Variants in BICRA observed in about 807,000 individuals in gnomAD.
BICRA encodes BRD4 interacting chromatin remodeling complex associated protein.
Under a neutral mutation model 96.9 loss-of-function variants are expected in BICRA, and 31 were observed. The observed-to-expected ratio is 0.32, with a 90% CI of 0.24 to 0.43. The LOEUF is 0.43. BICRA is among the 20% of genes least tolerant of loss of function. The pLI is 1.00. For synonymous variants in BICRA, 1,350 were observed against 1,071.8 expected, an observed-to-expected ratio of 1.26 and a Z score of -5.07; for missense variants, 2,283 against 2,190.3, an observed-to-expected ratio of 1.04 and a Z score of -0.84.
intron 1 of BICRA, among the ~76,000 whole-genome samples, chr19:47,644,798 G>T (rs1972435926): frequency 6.6e-6 from 1 of 152,166 alleles, no homozygotes. Flanking sequence ...ACCGCGCCCG[G>T]ATTTCATTCC....
At chr19:47,637,546 T>A (rs1030632745) in intron 1 of BICRA, among the ~76,000 whole-genome samples, 4 of 152,306 alleles carry the variant, frequency 2.6e-5, no homozygotes, top group African/African-American at 9.6e-5. Flanking sequence ...AGACACATAA[T>A]TCACATATCA....
At chr19:47,687,885 A>C (rs1462019844) in intron 7 of BICRA, among the ~76,000 whole-genome samples, 1 of 151,918 alleles carries the variant, frequency 6.6e-6, no homozygotes, top group East Asian at 1.9e-4. Flanking sequence ...TTGTAGGGTA[A>C]ATTTCTAGAA....
chr19:47,636,082 T>C (rs1242277300), intron 1 of BICRA, among the ~76,000 whole-genome samples: 3 of 152,212 alleles, frequency 2.0e-5, no homozygotes, highest in Non-Finnish European at 4.4e-5. Flanking sequence ...AAATGAATTT[T>C]ATGTTTATAC....
chr19:47,693,354 G>A (rs1008787928), intron 7 of BICRA, among the ~76,000 whole-genome samples: 10 of 152,234 alleles, frequency 6.6e-5, no homozygotes, highest in African/African-American at 2.4e-4. Context: ...AGTCTGGTAC[G>A]TCGTGCACAC....
intron 1 of BICRA, among the ~76,000 whole-genome samples, chr19:47,610,297 GAGGGACC>G (rs1971882806): frequency 2.0e-5 from 3 of 152,330 alleles, no homozygotes; most frequent in Admixed American, 1.3e-4. Flanking sequence ...GCGGGGAGAC[GAGGGACC>G]AGGGGCTGCT....
At chr19:47,643,007 C>CG (rs1189438141) in intron 1 of BICRA, among the ~76,000 whole-genome samples, 1 of 152,212 alleles carries the variant, frequency 6.6e-6, no homozygotes, top group African/African-American at 2.4e-5. Flanking sequence ...GACGGAGTCT[C>CG]GCTCCAGGCT....
chr19:47,693,393 G>T (rs966046278), intron 7 of BICRA, among the ~76,000 whole-genome samples: 1 of 152,206 alleles, frequency 6.6e-6, no homozygotes, highest in Non-Finnish European at 1.5e-5. Context: ...GCAAGCTCAC[G>T]TGGCGCCCAG....
chr19:47,696,447 C>T lies in BICRA; in HGVS notation c.3187-4C>T, dbSNP rs775683079. On this transcript the variant is annotated splice_region_variant and splice_polypyrimidine_tract_variant and intron_variant, in intron 10 of 14. Transcript: ENST00000594866. Reference sequence around the variant, plus strand: ...AGGCCTCTCACTCGCCTTTCTTCTCCCAGTATGAGAGCAAACTGAGTGGCC... The same window carrying T: ...AGGCCTCTCACTCGCCTTTCTTCTCTCAGTATGAGAGCAAACTGAGTGGCC... 1.3e-6 allele frequency: 2 copies of T among 1,594,002 alleles called. No individual in the cohort carries two copies. The highest frequency in any genetic ancestry group is 1.1e-5 in the South Asian group (1 of 87,550).
intron 1 of BICRA, among the ~76,000 whole-genome samples, chr19:47,661,364 C>T (rs1972702418): frequency 2.0e-5 from 3 of 152,258 alleles, no homozygotes; most frequent in South Asian, 4.1e-4. Flanking sequence ...CACCAGGGCT[C>T]ATAGCCACGT....
intron 1 of BICRA, among the ~76,000 whole-genome samples, chr19:47,644,292 T>C (rs1382947171): frequency 6.6e-6 from 1 of 152,040 alleles, no homozygotes; most frequent in Admixed American, 6.6e-5. Context: ...CCCACGGTGT[T>C]GGGATTACAG....
intron 1 of BICRA, among the ~76,000 whole-genome samples, chr19:47,652,177 G>A (rs1972550181): frequency 1.3e-5 from 2 of 152,140 alleles, no homozygotes; most frequent in South Asian, 4.1e-4. Context: ...GGTATGGAAG[G>A]GTGGAGGGGA....
intron 1 of BICRA, among the ~76,000 whole-genome samples, chr19:47,646,590 A>C (rs1022227562): frequency 2.6e-5 from 4 of 152,180 alleles, no homozygotes; most frequent in African/African-American, 9.7e-5. Flanking sequence ...AGCTCAGGTC[A>C]CGCACTTCAC....
intron 1 of BICRA, among the ~76,000 whole-genome samples, chr19:47,649,114 G>C (rs1056284114): frequency 6.6e-6 from 1 of 152,026 alleles, no homozygotes. Context: ...GCATCCCAAA[G>C]TGCTGGGATT....
chr19:47,682,062 A>G lies in BICRA; in HGVS notation c.2193A>G (p.Gln731=). The change falls in exon 7 of 15, where the codon CAA becomes CAG. Residue 731 remains glutamine (Q), a synonymous_variant. Transcript: ENST00000594866. Reference sequence around the variant, plus strand: ...TAGTCAGCGCCCCGCCTCCCGCCCAAGACCCAGCCCCAGCCACCCCCGTCG... The same window carrying G: ...TAGTCAGCGCCCCGCCTCCCGCCCAGGACCCAGCCCCAGCCACCCCCGTCG... The part of the protein sequence containing the change: ...SVIVSAPPPA[Q]DPAPATPVAK... The G allele has an allele frequency of 1.9e-6, 3 of 1,538,874 alleles. No homozygotes were observed. Among genetic ancestry groups the G allele is most frequent in the Non-Finnish European group, 2.6e-6 (3 of 1,136,826 alleles).
intron 2 of BICRA, among the ~76,000 whole-genome samples, chr19:47,673,076 AC>A (rs1972890206): frequency 6.6e-6 from 1 of 151,758 alleles, no homozygotes; most frequent in South Asian, 2.1e-4. Flanking sequence ...TGTAGGACAG[AC>A]CCCCACCACA....
At chr19:47,609,949 AG>A (rs1429121864) in intron 1 of BICRA, among the ~76,000 whole-genome samples, 2 of 95,838 alleles carry the variant, frequency 2.1e-5, no homozygotes, top group South Asian at 7.3e-4. Flanking sequence ...CTCATCCCGG[AG>A]GGGGCCGTTA....
intron 1 of BICRA, among the ~76,000 whole-genome samples, chr19:47,635,629 C>T (rs956970056): frequency 6.6e-6 from 1 of 152,096 alleles, no homozygotes; most frequent in Admixed American, 6.6e-5. Context: ...GGCCCCCAGC[C>T]CCTGCAAAAC....
chr19:47,642,233 T>C (rs1395761683), intron 1 of BICRA, among the ~76,000 whole-genome samples: 1 of 152,244 alleles, frequency 6.6e-6, no homozygotes, highest in Non-Finnish European at 1.5e-5. Context: ...AATTTTTTCA[T>C]CCATTCACCT....
At chr19:47,692,520 G>C (rs937553876) in intron 7 of BICRA, among the ~76,000 whole-genome samples, 1 of 152,062 alleles carries the variant, frequency 6.6e-6, no homozygotes, top group Admixed American at 6.6e-5. Context: ...GTGAGCCACC[G>C]TGCCCGGCCG....
Sources: gnomAD v4.1 joint callset for allele counts (sites outside exome capture counted in the v4.1 genomes callset) on GRCh38, gnomAD v4.1.1 for gene constraint, MANE v1.5 for transcripts, NCBI Gene and HGNC (gene_info 2026-07-23, HGNC 2026-07-21) for gene names.